The following PLA2G4A variants were observed in gnomAD, a reference collection of about 807,000 sequenced individuals.
PLA2G4A encodes the protein cytosolic phospholipase A2.
Under a neutral mutation model 81.9 loss-of-function variants are expected in PLA2G4A, and 40 were observed. That is an observed-to-expected ratio of 0.49 (90% CI 0.38 to 0.64). The LOEUF (loss-of-function observed/expected upper bound fraction) is 0.64, where lower values mean the gene tolerates loss of function less well. Among genes scored for constraint, PLA2G4A ranks in the 30% least tolerant of loss-of-function variants. The pLI is 0.00. For synonymous variants in PLA2G4A, 302 were observed against 296.9 expected (o/e 1.02, Z -0.18); for missense variants, 715 against 905.1 (o/e 0.79, Z 2.69).
intron 10 of PLA2G4A, 109 bp downstream of exon 10, chr1:186,940,203 AT>A: frequency 1.4e-6 from 1 of 733,580 alleles, no homozygotes; most frequent in Non-Finnish European, 2.5e-6. Context: ...ATTTTAATGT[AT>A]TTTCTGTAAC....
At chr1:186,879,125 C>G (rs939504992) in intron 3 of PLA2G4A, among the ~76,000 whole-genome samples, 4 of 151,890 alleles carry the variant, frequency 2.6e-5, no homozygotes, top group African/African-American at 9.7e-5. Flanking sequence ...GTAAATTTTA[C>G]TGGCTCCTTG....
At chr1:186,846,315 G>C (rs1652173249) in intron 1 of PLA2G4A, among the ~76,000 whole-genome samples, 1 of 152,172 alleles carries the variant, frequency 6.6e-6, no homozygotes, top group Non-Finnish European at 1.5e-5. Context: ...TATCCTGAAG[G>C]AAGTGATTCT....
intron 3 of PLA2G4A, among the ~76,000 whole-genome samples, chr1:186,879,319 C>G (rs1312121531): frequency 2.0e-5 from 3 of 151,892 alleles, no homozygotes; most frequent in Non-Finnish European, 4.4e-5. Flanking sequence ...AGAAATATAA[C>G]CCAGTGCGTA....
chr1:186,846,334 A>T (rs940289730), intron 1 of PLA2G4A, among the ~76,000 whole-genome samples: 5 of 152,202 alleles, frequency 3.3e-5, no homozygotes, highest in Admixed American at 2.0e-4. Flanking sequence ...CTATTTCAGT[A>T]ATTTCTTCAT....
intron 7 of PLA2G4A, among the ~76,000 whole-genome samples, chr1:186,920,321 C>T (rs1057015932): frequency 6.6e-6 from 1 of 152,146 alleles, no homozygotes; most frequent in African/African-American, 2.4e-5. Context: ...AACTGGTGAA[C>T]TATCTCATGT....
intron 1 of PLA2G4A, among the ~76,000 whole-genome samples, chr1:186,830,961 T>TTGCTTGCTTG (rs61289403): frequency 4.6e-3 from 177 of 38,410 alleles, no homozygotes; most frequent in African/African-American, 0.014. Context: ...TTGCTTGCTT[T>TTGCTTGCTTG]CTTTCTTTCT....
chr1:186,861,104 C>T (rs1455501432), intron 2 of PLA2G4A, among the ~76,000 whole-genome samples: 3 of 152,126 alleles, frequency 2.0e-5, no homozygotes, highest in African/African-American at 7.2e-5. Flanking sequence ...AACTTATTTG[C>T]TTCCGTCAGG....
At chr1:186,863,909 T>C (rs1202401053) in intron 2 of PLA2G4A, among the ~76,000 whole-genome samples, 3 of 151,934 alleles carry the variant, frequency 2.0e-5, no homozygotes, top group African/African-American at 7.2e-5. Flanking sequence ...TACAGGTGCC[T>C]GCCACCACGC....
At chr1:186,945,223 T>C (rs909031892) in intron 10 of PLA2G4A, among the ~76,000 whole-genome samples, 3 of 151,910 alleles carry the variant, frequency 2.0e-5, no homozygotes, top group African/African-American at 7.3e-5. Flanking sequence ...TGAACTTGAC[T>C]TCTTTGAGGA....
chr1:186,980,043 G>C (rs1657668273), intron 17 of PLA2G4A, among the ~76,000 whole-genome samples: 1 of 145,098 alleles, frequency 6.9e-6, no homozygotes, highest in African/African-American at 2.5e-5. Flanking sequence ...CGCCTCCCAG[G>C]TTCACGCCAT....
At chr1:186,883,160 A>T (rs974736244) in intron 3 of PLA2G4A, among the ~76,000 whole-genome samples, 20 of 152,108 alleles carry the variant, frequency 1.3e-4, no homozygotes, top group African/African-American at 4.3e-4. Flanking sequence ...GGGCTCACAG[A>T]TGTAGATTAG....
chr1:186,850,421 C>G (rs1045120718), intron 1 of PLA2G4A, among the ~76,000 whole-genome samples: 9 of 152,106 alleles, frequency 5.9e-5, no homozygotes, highest in Non-Finnish European at 1.0e-4. Flanking sequence ...TCATAATAAA[C>G]AGTGTTACTA....
intron 3 of PLA2G4A, among the ~76,000 whole-genome samples, chr1:186,879,975 G>A (rs1431043133): frequency 6.6e-6 from 1 of 151,848 alleles, no homozygotes; most frequent in African/African-American, 2.4e-5. Context: ...ATCTCCTAAT[G>A]CTATCCCTCC....
chr1:186,887,561 G>T (rs1653979827), intron 3 of PLA2G4A, among the ~76,000 whole-genome samples: 1 of 152,124 alleles, frequency 6.6e-6, no homozygotes, highest in African/African-American at 2.4e-5. Flanking sequence ...AGGATGAGAT[G>T]TAAAAGGGGT....
At chr1:186,965,946 A>G (rs1256161076) in intron 15 of PLA2G4A, among the ~76,000 whole-genome samples, 2 of 152,046 alleles carry the variant, frequency 1.3e-5, no homozygotes, top group Non-Finnish European at 2.9e-5. Flanking sequence ...CATAAATAGT[A>G]CTTTAAAGAA....
At chr1:186,915,499 C>G (rs1411520761) in intron 7 of PLA2G4A, among the ~76,000 whole-genome samples, 2 of 152,104 alleles carry the variant, frequency 1.3e-5, no homozygotes, top group Non-Finnish European at 2.9e-5. Context: ...CATTATCTTT[C>G]TAATTTTTTA....
At chr1:186,876,857 C>T (rs1653519278) in intron 3 of PLA2G4A, among the ~76,000 whole-genome samples, 1 of 152,014 alleles carries the variant, frequency 6.6e-6, no homozygotes, top group Non-Finnish European at 1.5e-5. Context: ...GAAGGGTAAC[C>T]CTCTTTCCTT....
intron 7 of PLA2G4A, among the ~76,000 whole-genome samples, chr1:186,918,887 G>A (rs970899732): frequency 6.6e-6 from 1 of 152,218 alleles, no homozygotes; most frequent in African/African-American, 2.4e-5. Context: ...TTCAGGTTTT[G>A]CCCAAGGGTT....
chr1:186,883,060 T>C (rs1371348971), intron 3 of PLA2G4A, among the ~76,000 whole-genome samples: 1 of 152,102 alleles, frequency 6.6e-6, no homozygotes, highest in African/African-American at 2.4e-5. Flanking sequence ...ATAAGTTTGC[T>C]TTGTAAATAT....
Sources: allele counts gnomAD v4.1 joint callset (sites outside exome capture counted in the v4.1 genomes callset), GRCh38; gene constraint gnomAD v4.1.1; transcripts MANE v1.5; gene names NCBI Gene and HGNC (gene_info 2026-07-23, HGNC 2026-07-21).